Variants in SERINC5 observed in about 807,000 individuals in gnomAD.
SERINC5 encodes the protein chromosome 5 open reading frame 12.
SERINC5 carries 41 observed loss-of-function variants against 63.1 expected under a neutral mutation model. The observed-to-expected ratio is 0.65, with a 90% CI of 0.51 to 0.84. SERINC5 has a LOEUF of 0.84. Ranked by LOEUF, SERINC5 falls within the 40% of genes least tolerant of loss-of-function variation. The probability of loss-of-function intolerance (pLI) is 0.00; values close to 1 mark genes in which losing one functional copy is unlikely to be tolerated. For synonymous variants in SERINC5, 222 were observed against 215.2 expected (o/e 1.03, Z -0.28); for missense variants, 523 against 573.0 (o/e 0.91, Z 0.89).
At chr5:80,158,746 G>T in intron 8 of SERINC5, 90 bp downstream of exon 8, 1 of 1,293,908 alleles carries the variant, frequency 7.7e-7, no homozygotes, top group Non-Finnish European at 1.1e-6. Flanking sequence ...TCAAATGGTT[G>T]CAGCCTCACA....
intron 1 of SERINC5, among the ~76,000 whole-genome samples, chr5:80,230,788 T>TCTTTCTCTCTCTCTCTCTTTC (rs1276159131): frequency 2.0e-5 from 3 of 147,720 alleles, no homozygotes; most frequent in East Asian, 4.0e-4. Flanking sequence ...TCTCTTTCTT[T>TCTTTCTCTCTCTCTCTCTTTC]CTTTCTTTCT....
downstream of SERINC5, among the ~76,000 whole-genome samples, chr5:80,137,011 C>A (rs1210113509): frequency 6.6e-6 from 1 of 151,882 alleles, no homozygotes; most frequent in African/African-American, 2.4e-5. Context: ...GTGACATGCG[C>A]CTGTAACCCC....
chr5:80,116,698 C>G (rs1450480470), intron 11 of SERINC5, among the ~76,000 whole-genome samples: 1 of 152,062 alleles, frequency 6.6e-6, no homozygotes, highest in African/African-American at 2.4e-5. Context: ...CGTTCATTAA[C>G]AAACATCCAC....
chr5:80,178,327 A>G (rs1009337853), intron 2 of SERINC5, among the ~76,000 whole-genome samples: 1 of 151,208 alleles, frequency 6.6e-6, no homozygotes, highest in Non-Finnish European at 1.5e-5. Context: ...TACAAAAATT[A>G]CCTTTTTTTT....
chr5:80,155,046 G>T (rs1269259981), intron 8 of SERINC5, among the ~76,000 whole-genome samples: 2 of 152,212 alleles, frequency 1.3e-5, no homozygotes, highest in African/African-American at 4.8e-5. Flanking sequence ...GGAGTAGAGA[G>T]CTACAGGTAT....
At chr5:80,168,579 G>T (rs1056429828) in intron 6 of SERINC5, among the ~76,000 whole-genome samples, 5 of 152,036 alleles carry the variant, frequency 3.3e-5, no homozygotes, top group African/African-American at 1.2e-4. Context: ...TTCCTACCTA[G>T]AACCTGAATG....
chr5:80,119,109 C>A lies in SERINC5; in HGVS notation c.1239-5484G>T, dbSNP rs116863317. ...GATTCAGTTATTTAATATCTTTGAA[C>A]CTCAGCTTCTGGAAAAGGGCCAATA... On this transcript the variant is annotated intron_variant, in intron 11 of 12. Coordinates refer to the SERINC5 transcript ENST00000509193. 1.6e-3 allele frequency among the ~76,000 whole-genome samples: 245 copies of A among 152,210 alleles called. 8 individuals are homozygous for A. In the East Asian group the frequency reaches 0.045, roughly 28 times the overall value.
In SERINC5 at chr5:80,232,256, A is replaced by T. The variant is rs1580200500; in HGVS notation, c.27+23640T>A. Among the ~76,000 whole-genome samples, 3 of 149,938 alleles carry T rather than the reference A, an allele frequency of 2.0e-5. No individual in the cohort carries two copies. In the East Asian group the frequency reaches 6.0e-4, roughly 30 times the overall value. ...TGTCTCTACTAAAAATACAAAAAAAAAGCCGGGCGTGGTGGCAGGCCCCTG... is the reference window on the plus strand; with the variant it reads ...TGTCTCTACTAAAAATACAAAAAAATAGCCGGGCGTGGTGGCAGGCCCCTG... On this transcript the variant is annotated intron_variant, in intron 1 of 11. Coordinates refer to ENST00000507668, the MANE Select transcript of SERINC5 (RefSeq NM_001174072.3).
At chr5:80,116,552 C>T (rs1744327777) in intron 11 of SERINC5, among the ~76,000 whole-genome samples, 1 of 152,032 alleles carries the variant, frequency 6.6e-6, no homozygotes, top group African/African-American at 2.4e-5. Flanking sequence ...GCTTACCTGC[C>T]TTTTCTCCTC....
chr5:80,160,171 T>C (rs545072753), intron 7 of SERINC5, among the ~76,000 whole-genome samples: 76 of 152,260 alleles, frequency 5.0e-4, no homozygotes, highest in African/African-American at 1.2e-3. Flanking sequence ...CCGAATTGGA[T>C]TGGAGGACAC....
chr5:80,247,573 C>A (rs770953531), intron 1 of SERINC5, among the ~76,000 whole-genome samples: 1 of 152,182 alleles, frequency 6.6e-6, no homozygotes, highest in East Asian at 1.9e-4. Flanking sequence ...TTTGAATGAG[C>A]AACCATCAAG....
chr5:80,218,563 T>A (rs1021646141), intron 1 of SERINC5, among the ~76,000 whole-genome samples: 1 of 151,438 alleles, frequency 6.6e-6, no homozygotes, highest in Non-Finnish European at 1.5e-5. Flanking sequence ...TAATCCCAGC[T>A]ACTTGGGAGG....
chr5:80,135,193 C>G (rs1745109930), downstream of SERINC5, among the ~76,000 whole-genome samples: 1 of 152,102 alleles, frequency 6.6e-6, no homozygotes, highest in African/African-American at 2.4e-5. Context: ...GCCACCAAGC[C>G]CGCCTAATTT....
downstream of SERINC5, among the ~76,000 whole-genome samples, chr5:80,138,362 G>A (rs769117839): frequency 6.6e-6 from 1 of 152,186 alleles, no homozygotes; most frequent in Non-Finnish European, 1.5e-5. Flanking sequence ...TTGGGAGGCT[G>A]AGGTGGGCAG....
chr5:80,228,419 C>A (rs527887118), intron 1 of SERINC5, among the ~76,000 whole-genome samples: 1 of 152,000 alleles, frequency 6.6e-6, no homozygotes, highest in Non-Finnish European at 1.5e-5. Flanking sequence ...AATCACAATC[C>A]AAATCTTTCA....
At chr5:80,123,662 G>C (rs1225646280) in intron 11 of SERINC5, among the ~76,000 whole-genome samples, 1 of 152,136 alleles carries the variant, frequency 6.6e-6, no homozygotes, top group Non-Finnish European at 1.5e-5. Flanking sequence ...CTTAAAAGCG[G>C]AGCTGCTGTC....
chr5:80,123,811 AG>A (rs1476507293), intron 11 of SERINC5, among the ~76,000 whole-genome samples: 16 of 152,192 alleles, frequency 1.1e-4, no homozygotes, highest in Non-Finnish European at 1.0e-4. Context: ...AAGTTATGGA[AG>A]GGGAAGGTAG....
At chr5:80,170,720 C>T (rs536001902) in intron 5 of SERINC5, among the ~76,000 whole-genome samples, 1 of 152,180 alleles carries the variant, frequency 6.6e-6, no homozygotes, top group Non-Finnish European at 1.5e-5. Context: ...GCCATAGTCT[C>T]TACTCCAAAG....
rs554604362 is a variant in SERINC5 at position 80,124,311 on chromosome 5, C to T, written c.1239-10686G>A. Reference sequence around the variant, plus strand: ...CTTCTAGCTGGCCCACTTGCAGCTTCCCCGTGCCAACAGTCTCAGGGCACG... The same window carrying T: ...CTTCTAGCTGGCCCACTTGCAGCTTTCCCGTGCCAACAGTCTCAGGGCACG... On this transcript the variant is annotated intron_variant, in intron 11 of 12. Coordinates refer to the SERINC5 transcript ENST00000509193. Among the ~76,000 whole-genome samples the T allele has an allele frequency of 3.7e-4, 56 of 152,346 alleles. No individual in the cohort carries two copies. In the South Asian group the frequency reaches 0.011, roughly 31 times the overall value.
Sources: gnomAD v4.1 joint callset for allele counts (sites outside exome capture counted in the v4.1 genomes callset) on GRCh38, gnomAD v4.1.1 for gene constraint, MANE v1.5 for transcripts, NCBI Gene and HGNC (gene_info 2026-07-23, HGNC 2026-07-21) for gene names.